Variants in SNRNP70 observed in about 807,000 individuals in gnomAD.
The protein encoded by SNRNP70 is small nuclear ribonucleoprotein U1 subunit 70, also known as U1 small nuclear ribonucleoprotein 70 kDa.
In SNRNP70, 8 loss-of-function variants were observed where a neutral mutation model predicts 50.5. The ratio of observed to expected loss-of-function variants is 0.16; its 90% CI spans 0.09 to 0.29. SNRNP70 has a LOEUF of 0.29. Ranked by LOEUF, SNRNP70 falls within the 10% of genes least tolerant of loss-of-function variation. The pLI, the probability that SNRNP70 is intolerant of heterozygous loss-of-function variation, is 1.00. For missense variants in SNRNP70, 529 were observed against 663.5 expected, an observed-to-expected ratio of 0.80 and a Z score of 2.23; for synonymous variants, 320 against 252.9, an observed-to-expected ratio of 1.27 and a Z score of -2.52.
At chr19:49,103,968 G>GAAGTA (rs1568422724) in intron 7 of SNRNP70, 1 of 152,090 alleles carries the variant, frequency 6.6e-6, no homozygotes. Context: ...AGCACCGCAC[G>GAAGTA]GCTCCCCATG....
At chr19:49,105,807 G>A (rs576817984) in intron 8 of SNRNP70, among the ~76,000 whole-genome samples, 14 of 152,120 alleles carry the variant, frequency 9.2e-5, no homozygotes, top group African/African-American at 2.7e-4. Flanking sequence ...CTTCTGCCTC[G>A]TTTGCCTCCA....
At chr19:49,091,735 G>C (rs1255202944) in intron 4 of SNRNP70, among the ~76,000 whole-genome samples, 1 of 152,174 alleles carries the variant, frequency 6.6e-6, no homozygotes, top group African/African-American at 2.4e-5. Context: ...GCGTGACAGA[G>C]ACATCTGGCG....
At chr19:49,106,149 G>A (rs955542141) in intron 8 of SNRNP70, among the ~76,000 whole-genome samples, 2 of 152,086 alleles carry the variant, frequency 1.3e-5, no homozygotes, top group Non-Finnish European at 2.9e-5. Flanking sequence ...GCTGAGCCTC[G>A]GAGCTTACCA....
chr19:49,090,534 C>T lies in SNRNP70; in HGVS notation c.265+14C>T, dbSNP rs1358725194. 3.7e-6 allele frequency: 6 copies of T among 1,613,210 alleles called. No individual in the cohort carries two copies. In the African/African-American group the frequency reaches 6.7e-5, roughly 18 times the overall value. ...AGCTTAAAATGTGTAAGTCTCTCATCCACCATTTGGCTCTCTCCTCTCCCA... is the reference window on the plus strand; with the variant it reads ...AGCTTAAAATGTGTAAGTCTCTCATTCACCATTTGGCTCTCTCCTCTCCCA... On this transcript the variant is annotated intron_variant, in intron 4 of 9. Transcript: ENST00000598441.
rs764150704 is a variant in SNRNP70 at position 49,108,251 on chromosome 19, T to TGACCGC, written c.1125_1130dup (p.Asp375_Arg376dup). 1.9e-5 allele frequency: 29 copies of TGACCGC among 1,545,770 alleles called. No homozygotes were observed. The highest frequency in any genetic ancestry group is 1.7e-4 in the Middle Eastern group (1 of 5,966). On this transcript the variant is annotated inframe_insertion, in exon 10 of 10. Coordinates refer to ENST00000598441, the MANE Select transcript of SNRNP70 (RefSeq NM_003089.6). The stretch of plus-strand genomic sequence containing the variant: ...GGGACCGGGATCGTGACCGTGACCG[T>TGACCGC]GACCGCGAGCACAAACGGGGGGAGC...
chr19:49,097,019 G>A (rs906590593), intron 4 of SNRNP70, among the ~76,000 whole-genome samples: 2 of 151,546 alleles, frequency 1.3e-5, no homozygotes, highest in Non-Finnish European at 1.5e-5. Flanking sequence ...AATCCCAGCT[G>A]CTTGAGAAGC....
At position 49,088,918 on chromosome 19, in the gene SNRNP70, TC is replaced by T. The variant is rs1260148068; in HGVS notation, c.148-1371del. Among the ~76,000 whole-genome samples the T allele has an allele frequency of 4.6e-5, 7 of 152,264 alleles. No individual in the cohort carries two copies. The South Asian group carries it at 6.2e-4, about 14-fold the overall frequency. The stretch of plus-strand genomic sequence containing the variant: ...GCTTATGTTGCTTTAGGCCTGGTCA[TC>T]CTCACTGGCACTCATAAGCAGGGCC... On this transcript the variant is annotated intron_variant, in intron 2 of 9. Coordinates refer to ENST00000598441, the MANE Select transcript of SNRNP70 (RefSeq NM_003089.6).
intron 2 of SNRNP70, among the ~76,000 whole-genome samples, chr19:49,088,371 T>A (rs1465358526): frequency 6.8e-6 from 1 of 146,678 alleles, no homozygotes; most frequent in Non-Finnish European, 1.5e-5. Flanking sequence ...CCTGGCTAAT[T>A]TTTTGTATTT....
At position 49,104,286 on chromosome 19, in the gene SNRNP70, A is replaced by T. The variant is rs2040634875; in HGVS notation, c.476-348A>T. The T allele has an allele frequency of 4.0e-6, 1 of 251,254 alleles. No homozygotes were observed. Among genetic ancestry groups the T allele is most frequent in the South Asian group, 5.1e-5 (1 of 19,792 alleles). 15.6% of individuals were successfully genotyped at this position (251,254 alleles called of 1,614,324 possible). A position where few individuals can be genotyped will look rare whatever the true frequency, so the allele number is the denominator to read the frequency against. ...CCACAGCAGAGTCCAGCGTGGAGTT[A>T]ACCTTCAGTTTCTTTGCAGCGATTT... is the stretch of plus-strand genomic sequence containing the variant. On this transcript the variant is annotated intron_variant, in intron 7 of 9. Transcript: ENST00000598441. This position sits in a 1 kb window ranked among gnomAD's most constrained non-coding sequence, Gnocchi z 5.4.
chr19:49,100,324 A>ACGGGTCCCTAGCATGTTAGG (rs1356881619), intron 6 of SNRNP70, among the ~76,000 whole-genome samples: 1 of 152,098 alleles, frequency 6.6e-6, no homozygotes, highest in Non-Finnish European at 1.5e-5. Context: ...GCATGTTAGG[A>ACGGGTCCCTAGCATGTTAGG]CAGGTCCAGC....
chr19:49,104,534 G>C lies in SNRNP70; in HGVS notation c.476-100G>C. On this transcript the variant is annotated intron_variant, in intron 7 of 9. Transcript: ENST00000598441. This position sits in a 1 kb window ranked among gnomAD's most constrained non-coding sequence, Gnocchi z 5.4. ...TGTTGGGCGTGTGCGTGTGCGTGAT[G>C]ATGGGGACACGGGGCGGGGATTCTG... The C allele has an allele frequency of 1.1e-6, 1 of 890,256 alleles. No individual in the cohort carries two copies. Among genetic ancestry groups the C allele is most frequent in the Non-Finnish European group, 1.8e-6 (1 of 553,808 alleles). The allele number at this position is 890,256 out of a possible 1,614,324, so 55.1% of individuals were successfully genotyped here.
At chr19:49,101,148 C>T (rs1396742329) in intron 6 of SNRNP70, among the ~76,000 whole-genome samples, 2 of 152,254 alleles carry the variant, frequency 1.3e-5, no homozygotes, top group African/African-American at 4.8e-5. Context: ...AGGCTGACAC[C>T]TCACTGTCTT....
chr19:49,092,619 G>C (rs956005283), intron 4 of SNRNP70, among the ~76,000 whole-genome samples: 1 of 151,298 alleles, frequency 6.6e-6, no homozygotes, highest in East Asian at 2.0e-4. Flanking sequence ...ATGTTGGCCA[G>C]GCTGGCCTCG....
chr19:49,095,592 T>G (rs1189797749), intron 4 of SNRNP70, among the ~76,000 whole-genome samples: 1 of 151,358 alleles, frequency 6.6e-6, no homozygotes, highest in African/African-American at 2.4e-5. Context: ...TAGACTGTAG[T>G]GGCACGATCT....
intron 8 of SNRNP70, among the ~76,000 whole-genome samples, chr19:49,106,092 G>A (rs1438853804): frequency 2.0e-5 from 3 of 152,196 alleles, no homozygotes; most frequent in Non-Finnish European, 4.4e-5. Flanking sequence ...CCAGCCCTGT[G>A]TCCTGGCTCT....
chr19:49,091,188 G>C (rs962188761), intron 4 of SNRNP70, among the ~76,000 whole-genome samples: 1 of 152,036 alleles, frequency 6.6e-6, no homozygotes, highest in African/African-American at 2.4e-5. Context: ...GGCCAGCGTG[G>C]TGAAATCCTG....
At chr19:49,090,380 C>T in intron 3 of SNRNP70, 27 bp downstream of exon 3, 2 of 1,613,712 alleles carry the variant, frequency 1.2e-6, no homozygotes, top group Non-Finnish European at 1.7e-6. Context: ...TCCTGACCCC[C>T]TGTTTTACCA....
intron 2 of SNRNP70, among the ~76,000 whole-genome samples, chr19:49,089,366 CA>C (rs1378845016): frequency 4.6e-5 from 7 of 151,890 alleles, no homozygotes; most frequent in Non-Finnish European, 1.5e-5. Context: ...GAGACGGGCA[CA>C]GGGGGGAAAG....
chr19:49,085,697 G>T (rs1446518172), intron 1 of SNRNP70, 61 bp downstream of exon 1: 3 of 453,746 alleles, frequency 6.6e-6, no homozygotes, highest in African/African-American at 2.0e-5. Flanking sequence ...AAGCCCCAGC[G>T]GTGGGCCCGG....
Sources: gnomAD v4.1 joint callset for allele counts (sites outside exome capture counted in the v4.1 genomes callset) on GRCh38, gnomAD v4.1.1 for gene constraint, Gnocchi (gnomAD v3.1) non-coding constraint, MANE v1.5 for transcripts, NCBI Gene and HGNC (gene_info 2026-07-23, HGNC 2026-07-21) for gene names.